The following USB1 variants were observed in gnomAD, a reference collection of about 807,000 sequenced individuals.
USB1 encodes U6 snRNA phosphodiesterase 1.
Under a neutral mutation model 29.9 loss-of-function variants are expected in USB1, and 21 were observed. The observed-to-expected ratio is 0.70, with a 90% CI of 0.50 to 1.01. The LOEUF is 1.01. USB1 is among the 50% of genes least tolerant of loss of function. USB1 has a pLI of 0.00. For synonymous variants in USB1, 143 were observed against 134.9 expected (o/e 1.06, Z -0.42); for missense variants, 330 against 347.1 (o/e 0.95, Z 0.39).
At chr16:58,014,189 A>G (rs1963560324) in intron 3 of USB1, 84 bp from the exon 4 acceptor site, 1 of 1,107,688 alleles carries the variant, frequency 9.0e-7, no homozygotes, top group South Asian at 1.3e-5. Context: ...TATATTTTCA[A>G]AGTGCTGTTT....
intron 3 of USB1, chr16:58,012,496 C>A: frequency 8.4e-7 from 1 of 1,194,116 alleles, no homozygotes; most frequent in Non-Finnish European, 1.2e-6. Flanking sequence ...TGTTCACCAT[C>A]TCAGCTCTGT....
chr16:58,006,470 C>T (rs1041919798), intron 2 of USB1, among the ~76,000 whole-genome samples: 1 of 29,148 alleles, frequency 3.4e-5, no homozygotes, highest in African/African-American at 1.4e-4. Flanking sequence ...CCAGCCTGGC[C>T]AACATGGCGA....
In USB1 at chr16:58,001,466, G is replaced by A; in HGVS notation, c.-18G>A. On this transcript the variant is annotated 5_prime_UTR_variant, in exon 1 of 7. Coordinates refer to ENST00000219281, the MANE Select transcript of USB1 (RefSeq NM_024598.4). ...AGGTTGCTGGTGGACCTGCTCTGGT[G>A]GTCTTGGATGAGGCCCCATGAGCGC... is the stretch of plus-strand genomic sequence containing the variant. The A allele has an allele frequency of 6.3e-7, 1 of 1,587,934 alleles. No homozygotes were observed. Among genetic ancestry groups the A allele is most frequent in the Non-Finnish European group, 8.6e-7 (1 of 1,168,038 alleles).
intron 4 of USB1, chr16:58,016,847 G>A: frequency 5.5e-6 from 1 of 183,130 alleles, no homozygotes. Context: ...GTCTTTTTGA[G>A]AAGTTTCACT....
At chr16:58,009,060 T>C (rs993062430) in intron 2 of USB1, among the ~76,000 whole-genome samples, 1 of 152,236 alleles carries the variant, frequency 6.6e-6, no homozygotes, top group Non-Finnish European at 1.5e-5. Context: ...ATGCTTACTA[T>C]TTTTCTTCAG....
intron 2 of USB1, among the ~76,000 whole-genome samples, chr16:58,009,457 C>G (rs1404816655): frequency 6.6e-6 from 1 of 152,120 alleles, no homozygotes; most frequent in Non-Finnish European, 1.5e-5. Context: ...CAGTGGCTCA[C>G]GCCTGTAATC....
chr16:58,002,780 G>T, intron 2 of USB1, 135 bp downstream of exon 2: 1 of 1,282,858 alleles, frequency 7.8e-7, no homozygotes, highest in South Asian at 1.3e-5. Flanking sequence ...CATTGACTTA[G>T]CAGAGAAAGA....
At chr16:58,012,252 C>T in intron 3 of USB1, 2 of 1,533,648 alleles carry the variant, frequency 1.3e-6, no homozygotes, top group Non-Finnish European at 1.7e-6. Context: ...CTAGTCCAGC[C>T]CTCCCCCTCT....
At chr16:58,008,970 AC>A (rs1313206401) in intron 2 of USB1, among the ~76,000 whole-genome samples, 1 of 152,222 alleles carries the variant, frequency 6.6e-6, no homozygotes, top group Non-Finnish European at 1.5e-5. Context: ...CATTTCTGTT[AC>A]AGACTTTTAG....
Position 58,020,617 on chromosome 16 carries a change from C to A in USB1, c.*372C>A, listed in dbSNP as rs1252568237. 9.0e-6 allele frequency: 3 copies of A among 333,704 alleles called. No homozygotes were observed. The highest frequency in any genetic ancestry group is 1.7e-5 in the Non-Finnish European group (3 of 173,960). 20.7% of individuals were successfully genotyped at this position (333,704 alleles called of 1,614,324 possible). On this transcript the variant is annotated 3_prime_UTR_variant, in exon 7 of 7. Coordinates refer to ENST00000219281, the MANE Select transcript of USB1 (RefSeq NM_024598.4). ...CTCTCTACCCCTCCTGTCTCTCCTC[C>A]CCTCCTCTCTCTTCCTCTCCTCTCT...
Position 58,002,143 on chromosome 16 carries a change from C to A in USB1, c.99-336C>A, listed in dbSNP as rs1198835338. 2.6e-5 allele frequency among the ~76,000 whole-genome samples: 4 copies of A among 152,176 alleles called. No individual in the cohort carries two copies. In the East Asian group the frequency reaches 7.7e-4, roughly 29 times the overall value. ...GGTAGACATATACTTTCAGATGAGG[C>A]ATTTGAGGCCCAGAAAGGGGACATG... On this transcript the variant is annotated intron_variant, in intron 1 of 6. Transcript: ENST00000219281.
intron 3 of USB1, chr16:58,011,382 G>A: frequency 1.7e-6 from 2 of 1,211,158 alleles, no homozygotes; most frequent in Non-Finnish European, 2.1e-6. Context: ...TTGTCTGCCA[G>A]CCTGGGGCTT....
At chr16:58,019,629 G>A (rs184133018) in intron 6 of USB1, among the ~76,000 whole-genome samples, 84 of 100,472 alleles carry the variant, frequency 8.4e-4, no homozygotes, top group African/African-American at 3.6e-3. Context: ...AGTAGGGAGT[G>A]TGGCCATGCG....
intron 4 of USB1, 146 bp from the exon 5 acceptor site, chr16:58,017,188 A>T: frequency 2.7e-6 from 2 of 735,094 alleles, no homozygotes; most frequent in East Asian, 2.6e-5. Flanking sequence ...GAGTTGGCTC[A>T]TGGAGCAGGA....
rs1963543832 is a variant in USB1 at position 58,013,490 on chromosome 16, G to A, written c.450-783G>A. 6.1e-6 allele frequency: 6 copies of A among 985,330 alleles called. No homozygotes were observed. Among genetic ancestry groups the A allele is most frequent in the Non-Finnish European group, 7.2e-6 (6 of 830,050 alleles). The allele number at this position is 985,330 out of a possible 1,614,324, so 61.0% of individuals were successfully genotyped here. Reference sequence around the variant, plus strand: ...GCTGTAAAATGATCTGTTTCTGTGAGGAGACTTTCCATGGTGAGATTGCTA... The same window carrying A: ...GCTGTAAAATGATCTGTTTCTGTGAAGAGACTTTCCATGGTGAGATTGCTA... On this transcript the variant is annotated intron_variant, in intron 3 of 6. Coordinates refer to ENST00000219281, the MANE Select transcript of USB1 (RefSeq NM_024598.4). This position sits in a 1 kb window ranked among gnomAD's most constrained non-coding sequence, Gnocchi z 4.3.
Position 58,020,485 on chromosome 16 carries a change from C to G in USB1, c.*240C>G. ...TCTCTCCTCTGTCTCTCTTCCTCTC[C>G]TCTCTTCCTCTCTTCTCTCTTCCTC... On this transcript the variant is annotated 3_prime_UTR_variant, in exon 7 of 7. Coordinates refer to ENST00000219281, the MANE Select transcript of USB1 (RefSeq NM_024598.4). 1.8e-6 allele frequency: 1 copy of G among 563,104 alleles called. No homozygotes were observed. The highest frequency in any genetic ancestry group is 3.1e-5 in the East Asian group (1 of 32,740). The allele number at this position is 563,104 out of a possible 1,614,324, so 34.9% of individuals were successfully genotyped here. A position where few individuals can be genotyped will look rare whatever the true frequency, so the allele number is the denominator to read the frequency against.
Position 58,017,452 on chromosome 16 carries a change from G to A in USB1, c.609+13G>A, listed in dbSNP as rs1328516171. 1 of 1,604,394 alleles carries A rather than the reference G, an allele frequency of 6.2e-7. No individual in the cohort carries two copies. On this transcript the variant is annotated intron_variant, in intron 5 of 6. Coordinates refer to ENST00000219281, the MANE Select transcript of USB1 (RefSeq NM_024598.4). Reference sequence around the variant, plus strand: ...CACTTTCTACCAGGTAATGAATGGGGCTGCTGCTTCTCCATTGACCCATTT... The same window carrying A: ...CACTTTCTACCAGGTAATGAATGGGACTGCTGCTTCTCCATTGACCCATTT...
At chr16:58,007,347 C>T (rs1963384465) in intron 2 of USB1, among the ~76,000 whole-genome samples, 1 of 152,044 alleles carries the variant, frequency 6.6e-6, no homozygotes. Flanking sequence ...GGGCCTGGTG[C>T]CTTCTGTTTT....
At chr16:58,018,605 CAGAG>C (rs147587332) in intron 5 of USB1, among the ~76,000 whole-genome samples, 3 of 151,676 alleles carry the variant, frequency 2.0e-5, no homozygotes, top group African/African-American at 7.3e-5. Context: ...TTGGGGGCTA[CAGAG>C]AGAGAGAGCA....
Sources: gnomAD v4.1 joint callset for allele counts (sites outside exome capture counted in the v4.1 genomes callset) on GRCh38, gnomAD v4.1.1 for gene constraint, Gnocchi (gnomAD v3.1) non-coding constraint, MANE v1.5 for transcripts, NCBI Gene and HGNC (gene_info 2026-07-23, HGNC 2026-07-21) for gene names.